The following EXOC2 variants were observed in gnomAD, a reference collection of about 807,000 sequenced individuals.
The protein encoded by EXOC2 is exocyst complex component 2.
EXOC2 carries 70 observed loss-of-function variants against 131.8 expected under a neutral mutation model. The ratio of observed to expected loss-of-function variants is 0.53; its 90% CI spans 0.44 to 0.65. The LOEUF (loss-of-function observed/expected upper bound fraction) is 0.65. Ranked by LOEUF, EXOC2 falls within the 30% of genes least tolerant of loss-of-function variation. EXOC2 has a pLI of 0.00. For synonymous variants in EXOC2, 411 were observed against 398.4 expected, an observed-to-expected ratio of 1.03 and a Z score of -0.38; for missense variants, 923 against 1,108.6, an observed-to-expected ratio of 0.83 and a Z score of 2.38.
At position 678,345 on chromosome 6, in the gene EXOC2, C is replaced by G. The variant is rs146191592; in HGVS notation, c.-44+14674G>C. On this transcript the variant is annotated intron_variant, in intron 1 of 27. Transcript: ENST00000230449. ...AATAATAACTAATGTCACAGGAATC[C>G]TGTAAGGATTAAATGGAATCATGTG... is the stretch of plus-strand genomic sequence containing the variant. Among the ~76,000 whole-genome samples, 198 of 152,254 alleles carry G rather than the reference C, an allele frequency of 1.3e-3. 2 individuals carry two copies. Among genetic ancestry groups the G allele is most frequent in the African/African-American group, 4.5e-3 (187 of 41,556 alleles).
At position 681,833 on chromosome 6, in the gene EXOC2, C is replaced by T. The variant is rs185598338; in HGVS notation, c.-44+11186G>A. On this transcript the variant is annotated intron_variant, in intron 1 of 27. Coordinates refer to ENST00000230449, the MANE Select transcript of EXOC2 (RefSeq NM_018303.6). ...GTACTGTGGTTCTACAGATACTTTG[C>T]TTCTCTGCCCTTGCAAGAGAATCAA... is the stretch of plus-strand genomic sequence containing the variant. Among the ~76,000 whole-genome samples the T allele has an allele frequency of 1.2e-3, 185 of 152,332 alleles. 1 individual carries two copies. The highest frequency in any genetic ancestry group is 2.1e-3 in the Non-Finnish European group (144 of 68,026).
chr6:579,613 TTC>T (rs1758774166), intron 11 of EXOC2, among the ~76,000 whole-genome samples: 1 of 152,236 alleles, frequency 6.6e-6, no homozygotes, highest in Admixed American at 6.5e-5. Context: ...AGAAATGTAT[TTC>T]TCTCCCTAAC....
At chr6:510,036 A>AT (rs1317405350) in intron 23 of EXOC2, among the ~76,000 whole-genome samples, 1 of 152,058 alleles carries the variant, frequency 6.6e-6, no homozygotes, top group African/African-American at 2.4e-5. Flanking sequence ...ACTTTGGTGT[A>AT]TTTTTTTCAA....
In EXOC2 at chr6:555,892, G is replaced by T; in HGVS notation, c.1992+62C>A. 3 of 1,486,134 alleles carry T rather than the reference G, an allele frequency of 2.0e-6. No homozygotes were observed. In the Admixed American group the frequency reaches 5.5e-5, roughly 27 times the overall value. 92.1% of individuals were successfully genotyped at this position (1,486,134 alleles called of 1,614,324 possible). A position where few individuals can be genotyped will look rare whatever the true frequency, so the allele number is the denominator to read the frequency against. Reference sequence around the variant, plus strand: ...CGTCATCTGCAGATTATAAATAGGAGAGGGGTTGACTGACACTTAGTATTA... The same window carrying T: ...CGTCATCTGCAGATTATAAATAGGATAGGGGTTGACTGACACTTAGTATTA... On this transcript the variant is annotated intron_variant, in intron 19 of 27. Coordinates refer to ENST00000230449, the MANE Select transcript of EXOC2 (RefSeq NM_018303.6).
rs546564922 is a variant in EXOC2 at position 531,376 on chromosome 6, T to A, written c.2380+1093A>T. ...ATGTACTTTGAGGGTATGAACTGAA[T>A]GTGGTTTGGGCACAGAAAGTGTGTG... On this transcript the variant is annotated intron_variant, in intron 23 of 27. Coordinates refer to ENST00000230449, the MANE Select transcript of EXOC2 (RefSeq NM_018303.6). Among the ~76,000 whole-genome samples the A allele has an allele frequency of 2.4e-3, 80 of 32,960 alleles. 3 individuals are homozygous for A. The South Asian group carries it at 0.057, about 24-fold the overall frequency. The allele number at this position is 32,960 out of a possible 152,430, so 21.6% of individuals were successfully genotyped here. A position where few individuals can be genotyped will look rare whatever the true frequency, so the allele number is the denominator to read the frequency against.
At chr6:546,742 A>C (rs550082814) in intron 22 of EXOC2, among the ~76,000 whole-genome samples, 1 of 152,352 alleles carries the variant, frequency 6.6e-6, no homozygotes, top group Admixed American at 6.5e-5. Context: ...CCAGCTTACT[A>C]TATTACAGGA....
At chr6:555,900 G>T in intron 19 of EXOC2, 54 bp downstream of exon 19, 1 of 1,537,470 alleles carries the variant, frequency 6.5e-7, no homozygotes, top group South Asian at 1.2e-5. Context: ...GAGAGGGGTT[G>T]ACTGACACTT....
At chr6:518,040 G>A (rs956874783) in intron 23 of EXOC2, among the ~76,000 whole-genome samples, 7 of 152,212 alleles carry the variant, frequency 4.6e-5, no homozygotes, top group African/African-American at 7.2e-5. Context: ...GACCTTGACT[G>A]AATCCTGATA....
Position 656,823 on chromosome 6 carries a change from A to T in EXOC2, c.-43-18962T>A, listed in dbSNP as rs1044087110. 1 of 1,609,992 alleles carries T rather than the reference A, an allele frequency of 6.2e-7. No individual in the cohort carries two copies. Among genetic ancestry groups the T allele is most frequent in the Non-Finnish European group, 8.5e-7 (1 of 1,177,712 alleles). On this transcript the variant is annotated intron_variant, in intron 1 of 27. Transcript: ENST00000230449. The stretch of plus-strand genomic sequence containing the variant: ...GAGGCCGCCGGAACCCGCGGGGCCG[A>T]AGCACAGGCTGTCAGGGCGCACGCG...
In EXOC2 at chr6:617,613, A is replaced by C. The variant is rs1561931098; in HGVS notation, c.661+98T>G. ...GCACATTTGAGATCTCTACTTTGAT[A>C]AAAACAGACCGAGTGTCACACCCTG... On this transcript the variant is annotated intron_variant, in intron 6 of 27. Coordinates refer to ENST00000230449, the MANE Select transcript of EXOC2 (RefSeq NM_018303.6). 7.7e-6 allele frequency: 11 copies of C among 1,426,840 alleles called. No homozygotes were observed. The East Asian group carries it at 2.7e-4, about 35-fold the overall frequency. 88.4% of individuals were successfully genotyped at this position (1,426,840 alleles called of 1,614,324 possible). A position where few individuals can be genotyped will look rare whatever the true frequency, so the allele number is the denominator to read the frequency against.
chr6:631,031 C>T (rs1761819107), intron 3 of EXOC2, among the ~76,000 whole-genome samples: 1 of 152,192 alleles, frequency 6.6e-6, no homozygotes, highest in African/African-American at 2.4e-5. Context: ...TGGGCTGCAA[C>T]AGAAAAAGAG....
chr6:495,969 T>TTAAAAAATCTATTATTATCATC (rs1763711924), intron 25 of EXOC2, among the ~76,000 whole-genome samples: 1 of 152,234 alleles, frequency 6.6e-6, no homozygotes, highest in Non-Finnish European at 1.5e-5. Context: ...AACTGACTTT[T>TTAAAAAATCTATTATTATCATC]TAAAAAATCT....
At chr6:564,973 T>A in intron 13 of EXOC2, 44 bp from the exon 14 acceptor site, 1 of 1,482,236 alleles carries the variant, frequency 6.7e-7, no homozygotes, top group Non-Finnish European at 9.1e-7. Flanking sequence ...AGAAATAATT[T>A]AAAAATAAGA....
At chr6:524,632 G>A (rs1765647068) in intron 23 of EXOC2, among the ~76,000 whole-genome samples, 3 of 152,070 alleles carry the variant, frequency 2.0e-5, no homozygotes, top group Non-Finnish European at 4.4e-5. Flanking sequence ...TTCTGATAAA[G>A]TTTGTATAAA....
At chr6:667,860 CCCATCCATCCAT>C (rs200385451) in intron 1 of EXOC2, among the ~76,000 whole-genome samples, 2,565 of 114,062 alleles carry the variant, frequency 0.022, 78 homozygotes, top group African/African-American at 0.063. Flanking sequence ...TAAATCCCCT[CCCATCCATCCAT>C]CCATCCATCC....
rs553400120 is a variant in EXOC2, at chr6:488,128, G to A, written c.2681+851C>T. On this transcript the variant is annotated intron_variant, in intron 27 of 27. Coordinates refer to ENST00000230449, the MANE Select transcript of EXOC2 (RefSeq NM_018303.6). ...TGGGATGCGTGCGGGGCGGGGCGGC[G>A]ATGCCCCCGGGGACTGATGGTGGAA... is the stretch of plus-strand genomic sequence containing the variant. 5.4e-3 allele frequency among the ~76,000 whole-genome samples: 820 copies of A among 152,276 alleles called. 4 individuals are homozygous for A. Among genetic ancestry groups the A allele is most frequent in the Non-Finnish European group, 7.5e-3 (511 of 68,014 alleles).
At chr6:590,190 C>A (rs543630421) in intron 11 of EXOC2, among the ~76,000 whole-genome samples, 4 of 151,702 alleles carry the variant, frequency 2.6e-5, no homozygotes, top group East Asian at 1.9e-4. Flanking sequence ...AGAGTAGACT[C>A]AAAAATTATT....
At position 656,385 on chromosome 6, in the gene EXOC2, C is replaced by A. The variant is rs765688249; in HGVS notation, c.-43-18524G>T. 8 of 1,614,232 alleles carry A rather than the reference C, an allele frequency of 5.0e-6. No individual in the cohort carries two copies. In the South Asian group the frequency reaches 8.8e-5, roughly 18 times the overall value. ...CGTCTCTATACTCAGGGTCATCCTG[C>A]CACTGAGGTTTGCTTCCACCAGCAC... On this transcript the variant is annotated intron_variant, in intron 1 of 27. Transcript: ENST00000230449.
chr6:490,923 G>C (rs1305133867), intron 26 of EXOC2, among the ~76,000 whole-genome samples: 1 of 152,128 alleles, frequency 6.6e-6, no homozygotes, highest in Non-Finnish European at 1.5e-5. Context: ...ATAAGACTAA[G>C]ATTTGTCAGT....
Sources: gnomAD v4.1 joint callset for allele counts (sites outside exome capture counted in the v4.1 genomes callset) on GRCh38, gnomAD v4.1.1 for gene constraint, MANE v1.5 for transcripts, NCBI Gene and HGNC (gene_info 2026-07-23, HGNC 2026-07-21) for gene names.